Variants in FGF12 observed in about 807,000 individuals in gnomAD.
FGF12 encodes fibroblast growth factor 12, also known as fibroblast growth factor 12B.
In FGF12, 14 loss-of-function variants were observed where a neutral mutation model predicts 23.6. That is an observed-to-expected ratio of 0.59 (90% CI 0.39 to 0.93). The LOEUF (loss-of-function observed/expected upper bound fraction) is 0.93, where lower values mean the gene tolerates loss of function less well. Among genes scored for constraint, FGF12 ranks in the 40% least tolerant of loss-of-function variants. FGF12 has a pLI of 0.00. For missense variants in FGF12, 175 were observed against 217.8 expected, an observed-to-expected ratio of 0.80 and a Z score of 1.24; for synonymous variants, 62 against 77.3, an observed-to-expected ratio of 0.80 and a Z score of 1.04.
chr3:192,397,607 T>C (rs1720579821), intron 2 of FGF12, among the ~76,000 whole-genome samples: 1 of 152,246 alleles, frequency 6.6e-6, no homozygotes, highest in Admixed American at 6.5e-5. Context: ...ATCCTCTATA[T>C]GTTCCATCAT....
chr3:192,321,512 C>A (rs563953905), intron 4 of FGF12, among the ~76,000 whole-genome samples: 4,478 of 132,200 alleles, frequency 0.034, 115 homozygotes, highest in South Asian at 0.063. Flanking sequence ...AAAAAAAAAA[C>A]CACACAAAAA....
intron 2 of FGF12, among the ~76,000 whole-genome samples, chr3:192,602,054 T>C (rs904619503): frequency 2.6e-5 from 4 of 152,142 alleles, no homozygotes; most frequent in Non-Finnish European, 4.4e-5. Context: ...TTTAAACTGA[T>C]AGAATGTACA....
At chr3:192,160,325 C>A (rs1195065753) in intron 5 of FGF12, among the ~76,000 whole-genome samples, 1 of 152,138 alleles carries the variant, frequency 6.6e-6, no homozygotes, top group East Asian at 1.9e-4. Context: ...TCATCTCCTA[C>A]CTTCCATTCC....
At chr3:192,225,634 G>C (rs1332486384) in intron 4 of FGF12, among the ~76,000 whole-genome samples, 1 of 151,740 alleles carries the variant, frequency 6.6e-6, no homozygotes, top group Non-Finnish European at 1.5e-5. Context: ...TTAAAAACAT[G>C]TATCTACACA....
chr3:192,275,276 C>T (rs1015086489), intron 4 of FGF12, among the ~76,000 whole-genome samples: 4 of 151,516 alleles, frequency 2.6e-5, no homozygotes, highest in African/African-American at 7.3e-5. Context: ...GAGAGACTCA[C>T]ATCCCCAAAC....
intron 2 of FGF12, among the ~76,000 whole-genome samples, chr3:192,654,426 A>T (rs1210826163): frequency 6.6e-6 from 1 of 150,494 alleles, no homozygotes; most frequent in African/African-American, 2.4e-5. Context: ...GATAAAAAAA[A>T]TAAATAATCT....
At chr3:192,655,253 C>A (rs1413631808) in intron 2 of FGF12, among the ~76,000 whole-genome samples, 3 of 152,134 alleles carry the variant, frequency 2.0e-5, no homozygotes, top group African/African-American at 7.2e-5. Flanking sequence ...ATGTGCCCAG[C>A]TACATATCCT....
chr3:192,693,521 C>A lies in FGF12; in HGVS notation c.13+33660G>T, dbSNP rs547403266. Among the ~76,000 whole-genome samples the A allele has an allele frequency of 3.6e-4, 55 of 151,958 alleles. 1 individual carries two copies. Among genetic ancestry groups the A allele is most frequent in the Admixed American group, 9.2e-4 (14 of 15,248 alleles). On this transcript the variant is annotated intron_variant, in intron 2 of 5. Coordinates refer to ENST00000445105, the MANE Select transcript of FGF12 (RefSeq NM_004113.6). ...CACTTCCCGATTTCAAATTATATTA[C>A]CAAGATAAAAACAATATAGTACTAC...
chr3:192,250,686 A>G (rs1159496673), intron 4 of FGF12, among the ~76,000 whole-genome samples: 2 of 152,120 alleles, frequency 1.3e-5, no homozygotes, highest in African/African-American at 2.4e-5. Flanking sequence ...ACCTATAGGT[A>G]TCTTCTTTTT....
intron 2 of FGF12, among the ~76,000 whole-genome samples, chr3:192,508,460 T>C (rs569598341): frequency 1.3e-5 from 2 of 152,312 alleles, no homozygotes; most frequent in African/African-American, 4.8e-5. Context: ...AGATAACAGA[T>C]CTATAAGTAC....
chr3:192,468,273 T>C (rs1196194592), intron 2 of FGF12, among the ~76,000 whole-genome samples: 1 of 152,176 alleles, frequency 6.6e-6, no homozygotes, highest in Non-Finnish European at 1.5e-5. Context: ...ACCAGCAAAT[T>C]AACACTGGTA....
At chr3:192,645,180 C>T (rs142000581) in intron 2 of FGF12, among the ~76,000 whole-genome samples, 3 of 152,050 alleles carry the variant, frequency 2.0e-5, no homozygotes, top group Non-Finnish European at 2.9e-5. Context: ...CCAAAGGCTT[C>T]GTAACAAAGC....
chr3:192,201,252 A>G (rs1001653424), intron 4 of FGF12, among the ~76,000 whole-genome samples: 2 of 152,208 alleles, frequency 1.3e-5, no homozygotes, highest in Non-Finnish European at 2.9e-5. Context: ...CCTGTTTTCT[A>G]AAGTCAAATT....
At chr3:192,660,003 T>C (rs567601544) in intron 2 of FGF12, among the ~76,000 whole-genome samples, 1 of 152,088 alleles carries the variant, frequency 6.6e-6, no homozygotes, top group African/African-American at 2.4e-5. Flanking sequence ...TATATATCCA[T>C]TACTGGGTAT....
intron 2 of FGF12, among the ~76,000 whole-genome samples, chr3:192,462,848 A>G (rs1256729237): frequency 6.6e-6 from 1 of 152,204 alleles, no homozygotes; most frequent in Non-Finnish European, 1.5e-5. Context: ...TTTATAATGT[A>G]AGAAATTTAA....
At chr3:192,318,132 A>G (rs1716328502) in intron 4 of FGF12, among the ~76,000 whole-genome samples, 1 of 152,172 alleles carries the variant, frequency 6.6e-6, no homozygotes, top group East Asian at 1.9e-4. Context: ...GAAGGAGGAC[A>G]GGTAAAACAA....
intron 3 of FGF12, among the ~76,000 whole-genome samples, chr3:192,355,387 T>C (rs1718423760): frequency 1.3e-5 from 2 of 152,338 alleles, no homozygotes; most frequent in South Asian, 2.1e-4. Context: ...GATGGATAGA[T>C]ATTGTACATG....
At chr3:192,708,860 G>A (rs572567174) in intron 2 of FGF12, among the ~76,000 whole-genome samples, 6 of 152,292 alleles carry the variant, frequency 3.9e-5, no homozygotes, top group Admixed American at 6.5e-5. Context: ...AAGATGTATT[G>A]TGCTTTGAAT....
chr3:192,142,750 T>G lies in FGF12; in HGVS notation c.*1259A>C, dbSNP rs1238221503. The G allele has an allele frequency of 6.6e-6, 1 of 152,104 alleles. No homozygotes were observed. The highest frequency in any genetic ancestry group is 2.4e-5 in the African/African-American group (1 of 41,426). 9.4% of individuals were successfully genotyped at this position (152,104 alleles called of 1,614,324 possible). On this transcript the variant is annotated 3_prime_UTR_variant, in exon 6 of 6. Transcript: ENST00000445105. ...TATTTCTCTACACACCTTGAAAATT[T>G]AGTGTATTACTGGTACCCTTCTGTG... is the stretch of plus-strand genomic sequence containing the variant.
Sources: gnomAD v4.1 joint callset for allele counts (sites outside exome capture counted in the v4.1 genomes callset) on GRCh38, gnomAD v4.1.1 for gene constraint, MANE v1.5 for transcripts, NCBI Gene and HGNC (gene_info 2026-07-23, HGNC 2026-07-21) for gene names.